LIPG: variants seen among roughly 807,000 people sequenced by gnomAD.
LIPG encodes endothelial lipase.
Under a neutral mutation model 51.8 loss-of-function variants are expected in LIPG, and 34 were observed. The observed-to-expected ratio is 0.66, with a 90% confidence interval of 0.50 to 0.87. The LOEUF (loss-of-function observed/expected upper bound fraction) is 0.87. Among genes scored for constraint, LIPG ranks in the 40% least tolerant of loss-of-function variants. The pLI is 0.00. For missense variants in LIPG, 580 were observed against 652.7 expected, an observed-to-expected ratio of 0.89 and a Z score of 1.21; for synonymous variants, 246 against 246.1, an observed-to-expected ratio of 1.00 and a Z score of 0.00.
rs887571213 is a variant in LIPG at position 49,592,918 on chromosome 18, A to G, written c.*2396A>G. Reference sequence around the variant, plus strand: ...ATTATAAAGTTCTTAATGGTCTGACAACTCAATTTTTTTTTTTTTTTTTTT... The same window carrying G: ...ATTATAAAGTTCTTAATGGTCTGACGACTCAATTTTTTTTTTTTTTTTTTT... On this transcript the variant is annotated 3_prime_UTR_variant, in exon 10 of 10. Transcript: ENST00000261292. 10 of 150,016 alleles carry G rather than the reference A, an allele frequency of 6.7e-5. No homozygotes were observed. The highest frequency in any genetic ancestry group is 1.7e-4 in the African/African-American group (7 of 40,668). 9.3% of individuals were successfully genotyped at this position (150,016 alleles called of 1,614,324 possible).
upstream of LIPG, chr18:49,561,654 CAGAG>C: frequency 8.1e-7 from 1 of 1,235,978 alleles, no homozygotes; most frequent in Non-Finnish European, 1.0e-6. Context: ...AGACCACTCC[CAGAG>C]AGAGTGTGGC....
At position 49,598,909 on chromosome 18, in the gene LIPG, G is replaced by A. The variant is rs1040519457; in HGVS notation, c.*8387G>A. On this transcript the variant is annotated 3_prime_UTR_variant, in exon 10 of 10. Coordinates refer to ENST00000261292, the MANE Select transcript of LIPG (RefSeq NM_006033.4). ...CTTGTACTCAGCATAATTATTTTGA[G>A]ATTCATCCACGTCTTTGCATGGATC... 2 of 152,142 alleles carry A rather than the reference G, an allele frequency of 1.3e-5. No homozygotes were observed. Among genetic ancestry groups the A allele is most frequent in the African/African-American group, 4.8e-5 (2 of 41,418 alleles). The allele number at this position is 152,142 out of a possible 1,614,324, so 9.4% of individuals were successfully genotyped here.
chr18:49,569,705 C>CT (rs35711840), intron 4 of LIPG, among the ~76,000 whole-genome samples, 157 bp downstream of exon 4: 36,253 of 146,458 alleles, frequency 0.25, 4,655 homozygotes, highest in Middle Eastern at 0.34. Context: ...TCACAAGAAA[C>CT]TTTTTTTTTT....
chr18:49,561,753 C>T (rs1389055146), upstream of LIPG: 9 of 1,243,994 alleles, frequency 7.2e-6, no homozygotes, highest in Non-Finnish European at 8.0e-6. Context: ...CCGCCTCCGC[C>T]ACTTGGGATG....
intron 9 of LIPG, among the ~76,000 whole-genome samples, chr18:49,587,945 C>A (rs958239527): frequency 6.6e-6 from 1 of 152,114 alleles, no homozygotes; most frequent in Non-Finnish European, 1.5e-5. Flanking sequence ...CTTGCCACCA[C>A]GCTGAGCTAA....
intron 9 of LIPG, 77 bp downstream of exon 9, chr18:49,586,927 C>A: frequency 9.2e-7 from 1 of 1,085,196 alleles, no homozygotes; most frequent in Non-Finnish European, 1.4e-6. Context: ...GGGGATGGAT[C>A]TGGGTGCCAG....
chr18:49,584,693 G>A (rs764424685), intron 8 of LIPG, among the ~76,000 whole-genome samples: 10 of 152,210 alleles, frequency 6.6e-5, no homozygotes, highest in Non-Finnish European at 1.0e-4. Flanking sequence ...TCAGCTGAAT[G>A]ATTCTAGTCT....
intron 4 of LIPG, among the ~76,000 whole-genome samples, chr18:49,574,623 G>A (rs1199148879): frequency 6.6e-6 from 1 of 152,112 alleles, no homozygotes; most frequent in African/African-American, 2.4e-5. Context: ...AGATTTTTTT[G>A]TAGCTGTATG....
At position 49,583,597 on chromosome 18, in the gene LIPG, T is replaced by G. The variant is rs753952241; in HGVS notation, c.1199T>G (p.Val400Gly). The G allele has an allele frequency of 2.5e-6, 4 of 1,614,122 alleles. No individual in the cohort carries two copies. The Admixed American group carries it at 6.7e-5, about 27-fold the overall frequency. ...IEQNATNTFL[V>G]YTEEDLGDLL... is the part of the protein sequence containing the mutation. Reference sequence around the variant, plus strand: ...CAGAATGCCACCAACACCTTCCTGGTCTACACCGAGGAGGACTTGGGAGAC... The same window carrying G: ...CAGAATGCCACCAACACCTTCCTGGGCTACACCGAGGAGGACTTGGGAGAC... The change falls in exon 8 of 10, where the codon GTC becomes GGC. Residue 400 changes from valine to glycine, a missense_variant. Coordinates refer to ENST00000261292, the MANE Select transcript of LIPG (RefSeq NM_006033.4).
At chr18:49,564,055 C>T (rs1167501116) in intron 1 of LIPG, among the ~76,000 whole-genome samples, 1 of 152,172 alleles carries the variant, frequency 6.6e-6, no homozygotes, top group Non-Finnish European at 1.5e-5. Context: ...GTTAACCTGA[C>T]TTCCGCTCAT....
chr18:49,575,904 T>A (rs1406727880), intron 5 of LIPG, among the ~76,000 whole-genome samples: 1 of 151,294 alleles, frequency 6.6e-6, no homozygotes, highest in Non-Finnish European at 1.5e-5. Context: ...AATGGTGCAA[T>A]CTCGGCTCAC....
intron 5 of LIPG, among the ~76,000 whole-genome samples, chr18:49,577,029 T>TA (rs2084727146): frequency 1.3e-5 from 2 of 152,022 alleles, no homozygotes; most frequent in Non-Finnish European, 2.9e-5. Flanking sequence ...TTTATTTATT[T>TA]TTTTTTTATT....
At chr18:49,580,543 T>A (rs763609950) in intron 5 of LIPG, among the ~76,000 whole-genome samples, 1 of 152,124 alleles carries the variant, frequency 6.6e-6, no homozygotes, top group Non-Finnish European at 1.5e-5. Context: ...TTTGGGAGGC[T>A]GAGGCAGGAG....
chr18:49,570,002 G>A lies in LIPG; in HGVS notation c.571+454G>A, dbSNP rs529563718. On this transcript the variant is annotated intron_variant, in intron 4 of 9. Transcript: ENST00000261292. ...AGCTGGATAGAGCCCTGGCCCCAAA[G>A]CTTTTGGGTGTTCCCTTCAGGTCTC... 8.8e-4 allele frequency among the ~76,000 whole-genome samples: 134 copies of A among 152,340 alleles called. 1 individual carries two copies. Among genetic ancestry groups the A allele is most frequent in the African/African-American group, 3.1e-3 (129 of 41,590 alleles).
rs1022700829 is a variant in LIPG at position 49,597,424 on chromosome 18, A to G, written c.*6902A>G. On this transcript the variant is annotated 3_prime_UTR_variant, in exon 10 of 10. Transcript: ENST00000261292. Reference sequence around the variant, plus strand: ...CCTCTTTTGTAACTGTGGGTTATCTATAGATTGGGGGTGGCCTCTCCTAAA... The same window carrying G: ...CCTCTTTTGTAACTGTGGGTTATCTGTAGATTGGGGGTGGCCTCTCCTAAA... 6.6e-6 allele frequency: 1 copy of G among 152,226 alleles called. No individual in the cohort carries two copies. Among genetic ancestry groups the G allele is most frequent in the African/African-American group, 2.4e-5 (1 of 41,452 alleles). The allele number at this position is 152,226 out of a possible 1,614,324, so 9.4% of individuals were successfully genotyped here. A position where few individuals can be genotyped will look rare whatever the true frequency, so the allele number is the denominator to read the frequency against.
chr18:49,577,988 C>T (rs2084745197), intron 5 of LIPG, among the ~76,000 whole-genome samples: 3 of 141,206 alleles, frequency 2.1e-5, no homozygotes, highest in East Asian at 4.3e-4. Context: ...CCCCCACCTC[C>T]CTCCCGGACG....
intron 1 of LIPG, among the ~76,000 whole-genome samples, chr18:49,562,827 C>T (rs1025003469): frequency 6.6e-6 from 1 of 152,200 alleles, no homozygotes; most frequent in African/African-American, 2.4e-5. Flanking sequence ...GTGTAGGTGT[C>T]TTGAAAGTTC....
chr18:49,587,593 AAG>A (rs2032886110), intron 9 of LIPG, among the ~76,000 whole-genome samples: 2 of 150,486 alleles, frequency 1.3e-5, no homozygotes, highest in Admixed American at 6.6e-5. Context: ...AAAAAAAAAA[AAG>A]AAGCTGACCT....
In LIPG at chr18:49,577,838, G is replaced by C. The variant is rs1351749294; in HGVS notation, c.793+2248G>C. On this transcript the variant is annotated intron_variant, in intron 5 of 9. Transcript: ENST00000261292. ...TCCCGGACGGGGCGGCTGGCCGGGT[G>C]GGGGGGCTGACCCCCCCATCTCCCT... is the stretch of plus-strand genomic sequence containing the variant. Among the ~76,000 whole-genome samples the C allele has an allele frequency of 7.7e-5, 9 of 116,170 alleles. 1 individual carries two copies. In the South Asian group the frequency reaches 2.8e-3, roughly 37 times the overall value. The allele number at this position is 116,170 out of a possible 152,430, so 76.2% of individuals were successfully genotyped here.
Sources: allele counts gnomAD v4.1 joint callset (sites outside exome capture counted in the v4.1 genomes callset), GRCh38; gene constraint gnomAD v4.1.1; transcripts MANE v1.5; gene names NCBI Gene and HGNC (gene_info 2026-07-23, HGNC 2026-07-21).